Variants in MTX2 observed in about 807,000 individuals in gnomAD.
MTX2 encodes metaxin-2.
A neutral mutation model predicts 42.3 loss-of-function variants in MTX2; 35 were observed. The observed-to-expected ratio is 0.83, with a 90% confidence interval of 0.63 to 1.10. The LOEUF (loss-of-function observed/expected upper bound fraction) is 1.10. Ranked by LOEUF, MTX2 falls within the 50% of genes least tolerant of loss-of-function variation. The pLI, the probability that MTX2 is intolerant of heterozygous loss-of-function variation, is 0.00. For missense variants in MTX2, 307 were observed against 304.1 expected, an observed-to-expected ratio of 1.01 and a Z score of -0.07; for synonymous variants, 119 against 100.9, an observed-to-expected ratio of 1.18 and a Z score of -1.08.
chr2:176,308,343 T>G (rs1224010242), intron 3 of MTX2, among the ~76,000 whole-genome samples: 2 of 152,156 alleles, frequency 1.3e-5, no homozygotes, highest in Non-Finnish European at 1.5e-5. Flanking sequence ...TGTTCATCAG[T>G]AATGTTGGTC....
chr2:176,282,089 A>AAAT (rs928400786), intron 1 of MTX2, among the ~76,000 whole-genome samples: 1 of 140,994 alleles, frequency 7.1e-6, no homozygotes, highest in Non-Finnish European at 1.5e-5. Flanking sequence ...ATCCTTCCTT[A>AAAT]AATTGGTTCA....
Position 176,325,723 on chromosome 2 carries a change from C to T in MTX2, c.209-1102C>T, listed in dbSNP as rs74779915. ...TATAGTAGTTACAAAGATTTTATCC[C>T]GAGTTAAGAAAACAATGTGGCCTAA... On this transcript the variant is annotated intron_variant, in intron 4 of 9. Coordinates refer to ENST00000249442, the MANE Select transcript of MTX2 (RefSeq NM_006554.5). 3.6e-4 allele frequency among the ~76,000 whole-genome samples: 54 copies of T among 151,674 alleles called. No homozygotes were observed. In the East Asian group the frequency reaches 9.9e-3, roughly 28 times the overall value.
intron 6 of MTX2, 69 bp from the exon 7 acceptor site, chr2:176,328,805 A>G (rs1421319903): frequency 3.9e-6 from 6 of 1,521,692 alleles, no homozygotes; most frequent in Non-Finnish European, 5.4e-6. Context: ...TGCCTTGGCA[A>G]AAAATAACTT....
At chr2:176,323,362 T>C (rs998025902) in intron 3 of MTX2, 30 bp from the exon 4 acceptor site, 5 of 1,577,940 alleles carry the variant, frequency 3.2e-6, no homozygotes, top group African/African-American at 1.4e-5. Flanking sequence ...TGCTTTTTAC[T>C]GGGCTTATTG....
intron 1 of MTX2, among the ~76,000 whole-genome samples, chr2:176,294,091 T>C (rs1558929882): frequency 1.3e-5 from 2 of 152,170 alleles, no homozygotes; most frequent in East Asian, 3.9e-4. Context: ...ATGTCTTAGA[T>C]TGAGTGAAAT....
At chr2:176,325,131 G>A (rs577599618) in intron 4 of MTX2, among the ~76,000 whole-genome samples, 17 of 151,678 alleles carry the variant, frequency 1.1e-4, no homozygotes, top group African/African-American at 2.7e-4. Context: ...TAAGGTAGCC[G>A]GATTAGATGA....
intron 5 of MTX2, among the ~76,000 whole-genome samples, chr2:176,327,971 T>C (rs1471946339): frequency 6.6e-6 from 1 of 151,162 alleles, no homozygotes; most frequent in Non-Finnish European, 1.5e-5. Context: ...GTCAGTCTTT[T>C]GGCATTTCCT....
intron 6 of MTX2, 45 bp from the exon 7 acceptor site, chr2:176,328,829 C>G: frequency 6.4e-7 from 1 of 1,562,658 alleles, no homozygotes; most frequent in Non-Finnish European, 8.7e-7. Context: ...TTATCCTTTT[C>G]CTCTTTGGTA....
At chr2:176,328,995 A>G (rs1647537655) in intron 7 of MTX2, 83 bp downstream of exon 7, 7 of 1,260,532 alleles carry the variant, frequency 5.6e-6, no homozygotes, top group Admixed American at 1.7e-5. Flanking sequence ...CTGCTCATAA[A>G]TGAAACATTG....
intron 3 of MTX2, among the ~76,000 whole-genome samples, chr2:176,322,513 C>T (rs1278146806): frequency 6.6e-6 from 1 of 151,826 alleles, no homozygotes; most frequent in African/African-American, 2.4e-5. Context: ...ATAGAAATAA[C>T]ATAGTAAATT....
At chr2:176,301,613 T>G (rs1003367021) in intron 3 of MTX2, among the ~76,000 whole-genome samples, 1 of 152,140 alleles carries the variant, frequency 6.6e-6, no homozygotes, top group African/African-American at 2.4e-5. Flanking sequence ...ACAGCTGGAA[T>G]GCAGACCCAG....
At chr2:176,270,571 G>C in intron 1 of MTX2, 1 of 368,552 alleles carries the variant, frequency 2.7e-6, no homozygotes, top group Non-Finnish European at 5.0e-6. Flanking sequence ...CATGAGTACA[G>C]TAATGAAGAC....
At chr2:176,293,631 C>A (rs958917041) in intron 1 of MTX2, among the ~76,000 whole-genome samples, 1 of 152,144 alleles carries the variant, frequency 6.6e-6, no homozygotes, top group African/African-American at 2.4e-5. Context: ...ACCTGCTCCC[C>A]CCTTTGCCTT....
chr2:176,334,261 GA>G (rs1228432001), intron 9 of MTX2, among the ~76,000 whole-genome samples: 1 of 151,802 alleles, frequency 6.6e-6, no homozygotes, highest in Non-Finnish European at 1.5e-5. Context: ...TATACTACTG[GA>G]AGTTGCATCA....
intron 9 of MTX2, among the ~76,000 whole-genome samples, chr2:176,335,381 G>A (rs942044316): frequency 2.6e-5 from 4 of 152,084 alleles, no homozygotes; most frequent in Non-Finnish European, 5.9e-5. Flanking sequence ...TGTGTGCTTA[G>A]TGTAAGGAGT....
chr2:176,314,698 G>A lies in MTX2; in HGVS notation c.136-8694G>A, dbSNP rs1361554625. Among the ~76,000 whole-genome samples the A allele has an allele frequency of 2.6e-5, 4 of 151,988 alleles. No individual in the cohort carries two copies. In the South Asian group the frequency reaches 8.3e-4, roughly 32 times the overall value. ...TTACTTTTGACGTCCTGAAGATTGGGCCATAATTGCTGAGATTTTAAAGGA... is the reference window on the plus strand; with the variant it reads ...TTACTTTTGACGTCCTGAAGATTGGACCATAATTGCTGAGATTTTAAAGGA... On this transcript the variant is annotated intron_variant, in intron 3 of 9. Coordinates refer to ENST00000249442, the MANE Select transcript of MTX2 (RefSeq NM_006554.5).
intron 1 of MTX2, among the ~76,000 whole-genome samples, chr2:176,281,820 G>A (rs80141176): frequency 7.2e-5 from 11 of 152,082 alleles, no homozygotes; most frequent in Middle Eastern, 3.2e-3. Context: ...GGTTTTGTAC[G>A]TTGTAATTAG....
intron 1 of MTX2, among the ~76,000 whole-genome samples, chr2:176,272,265 G>A (rs1476251800): frequency 6.6e-6 from 1 of 152,212 alleles, no homozygotes; most frequent in African/African-American, 2.4e-5. Flanking sequence ...GTGAGAGATG[G>A]GGAAGAGGAA....
At chr2:176,322,823 T>C (rs1355518462) in intron 3 of MTX2, among the ~76,000 whole-genome samples, 1 of 151,960 alleles carries the variant, frequency 6.6e-6, no homozygotes, top group African/African-American at 2.4e-5. Flanking sequence ...TATTAGACAT[T>C]TAAATTGCTT....
Sources: allele counts gnomAD v4.1 joint callset (sites outside exome capture counted in the v4.1 genomes callset), GRCh38; gene constraint gnomAD v4.1.1; transcripts MANE v1.5; gene names NCBI Gene and HGNC (gene_info 2026-07-23, HGNC 2026-07-21).